CWC15: variants seen among roughly 807,000 people sequenced by gnomAD.
CWC15 encodes the protein CWC15 spliceosome associated protein.
Under a neutral mutation model 28.4 loss-of-function variants are expected in CWC15, and 12 were observed. The observed-to-expected ratio is 0.42, with a 90% confidence interval of 0.27 to 0.69. The LOEUF is 0.69. CWC15 is among the 30% of genes least tolerant of loss of function. The probability of loss-of-function intolerance (pLI) is 0.23; values close to 1 mark genes in which losing one functional copy is unlikely to be tolerated. For missense variants in CWC15, 192 were observed against 271.5 expected, an observed-to-expected ratio of 0.71 and a Z score of 2.06; for synonymous variants, 92 against 88.4, an observed-to-expected ratio of 1.04 and a Z score of -0.23.
intron 5 of CWC15, among the ~76,000 whole-genome samples, chr11:94,969,554 C>T (rs1857689662): frequency 6.6e-6 from 1 of 151,534 alleles, no homozygotes; most frequent in Non-Finnish European, 1.5e-5. Context: ...AACAGAGAGA[C>T]TGTGGGGGCT....
At chr11:94,972,362 G>A (rs1349101263) in intron 1 of CWC15, among the ~76,000 whole-genome samples, 169 bp from the exon 2 acceptor site, 1 of 152,170 alleles carries the variant, frequency 6.6e-6, no homozygotes, top group Non-Finnish European at 1.5e-5. Context: ...GGCTTAGGCT[G>A]TACAAGGAAT....
intron 5 of CWC15, among the ~76,000 whole-genome samples, chr11:94,969,529 T>C (rs1857689403): frequency 6.6e-6 from 1 of 152,092 alleles, no homozygotes; most frequent in Admixed American, 6.6e-5. Flanking sequence ...TTATATTTTT[T>C]CCTCATATTG....
At chr11:94,973,300 G>A (rs57012427) in intron 1 of CWC15, 198 bp downstream of exon 1, 7 of 24,938 alleles carry the variant, frequency 2.8e-4, no homozygotes, top group African/African-American at 7.8e-4. Flanking sequence ...CAGTAGGCGA[G>A]CTGCCTGTAC....
intron 5 of CWC15, 109 bp downstream of exon 5, chr11:94,969,880 C>A: frequency 1.9e-6 from 1 of 531,086 alleles, no homozygotes; most frequent in Non-Finnish European, 3.1e-6. Context: ...AATATTTAGA[C>A]ACGGTAAAGG....
chr11:94,970,890 T>C, intron 4 of CWC15, 87 bp downstream of exon 4: 1 of 1,077,562 alleles, frequency 9.3e-7, no homozygotes, highest in Non-Finnish European at 1.4e-6. Context: ...TAAATATATG[T>C]CACTTCTTAA....
At position 94,966,242 on chromosome 11, in the gene CWC15, C is replaced by T. The variant is rs1302640846; in HGVS notation, c.560+53G>A. The T allele has an allele frequency of 4.5e-6, 4 of 886,078 alleles. No individual in the cohort carries two copies. The African/African-American group carries it at 5.0e-5, about 11-fold the overall frequency. The allele number at this position is 886,078 out of a possible 1,614,324, so 54.9% of individuals were successfully genotyped here. On this transcript the variant is annotated intron_variant, in intron 6 of 6. Transcript: ENST00000279839. ...ATACACATATACACACACACACACA[C>T]ACACACACACACACACACACACACA...
At chr11:94,969,944 T>C in intron 5 of CWC15, 45 bp downstream of exon 5, 4 of 1,278,342 alleles carry the variant, frequency 3.1e-6, no homozygotes, top group Non-Finnish European at 3.1e-6. Context: ...TCTACCTTAG[T>C]GTATGTGAGA....
chr11:94,968,261 C>A (rs587606567), intron 5 of CWC15, among the ~76,000 whole-genome samples: 5 of 152,240 alleles, frequency 3.3e-5, no homozygotes, highest in Admixed American at 6.5e-5. Flanking sequence ...ATATTTACTA[C>A]CTGGCCCTTT....
intron 5 of CWC15, 25 bp from the exon 6 acceptor site, chr11:94,966,438 CACTT>C (rs1176764445): frequency 4.9e-6 from 7 of 1,438,134 alleles, no homozygotes; most frequent in Non-Finnish European, 4.7e-6. Flanking sequence ...GGAAGATTAA[CACTT>C]ACTTATTTTA....
rs1857717318 is a variant in CWC15, at chr11:94,971,381, T to A, written c.238A>T (p.Thr80Ser). 1.2e-6 allele frequency: 2 copies of A among 1,609,574 alleles called. No individual in the cohort carries two copies. Among genetic ancestry groups the A allele is most frequent in the South Asian group, 1.1e-5 (1 of 90,342 alleles). ...AAREKNRDRP[T>S]REHTTSSSVS... ...TCTTGGATAGTGTTGGTACCTCGGGTTGGACGATCCCTATTTTTCTCTCTT... is the reference window on the plus strand; with the variant it reads ...TCTTGGATAGTGTTGGTACCTCGGGATGGACGATCCCTATTTTTCTCTCTT... The change falls in exon 3 of 7, where the codon ACC (threonine) becomes TCC (serine). Residue 80 changes from threonine to serine, a missense_variant. Transcript: ENST00000279839.
intron 6 of CWC15, 90 bp downstream of exon 6, chr11:94,966,205 G>T: frequency 1.4e-6 from 1 of 710,318 alleles, no homozygotes; most frequent in African/African-American, 2.0e-5. Flanking sequence ...CTGCATGCCT[G>T]TGTGTATACA....
intron 3 of CWC15, 93 bp downstream of exon 3, chr11:94,971,282 T>G: frequency 9.0e-7 from 1 of 1,114,264 alleles, no homozygotes; most frequent in South Asian, 1.3e-5. Flanking sequence ...TCTGTAAAAG[T>G]AAACAAATGG....
intron 4 of CWC15, 138 bp downstream of exon 4, chr11:94,970,839 C>T (rs1205795236): frequency 2.8e-6 from 2 of 717,472 alleles, no homozygotes; most frequent in Non-Finnish European, 4.9e-6. Context: ...TAAAGTTTAG[C>T]ACTGAGGTCA....
At chr11:94,965,832 TTC>T (rs1331038139) in intron 6 of CWC15, among the ~76,000 whole-genome samples, 1 of 152,192 alleles carries the variant, frequency 6.6e-6, no homozygotes, top group Non-Finnish European at 1.5e-5. Flanking sequence ...GATTCCTCTA[TTC>T]TCTGTGTGTG....
chr11:94,967,770 A>T (rs1436260104), intron 5 of CWC15, among the ~76,000 whole-genome samples: 1 of 152,200 alleles, frequency 6.6e-6, no homozygotes, highest in African/African-American at 2.4e-5. Flanking sequence ...CCTTTATGTC[A>T]CTGGTCAGAA....
chr11:94,971,139 A>C, intron 3 of CWC15, 74 bp from the exon 4 acceptor site: 1 of 1,301,652 alleles, frequency 7.7e-7, no homozygotes, highest in Non-Finnish European at 1.1e-6. Flanking sequence ...GGGACCTGTG[A>C]GCACAAGGAG....
chr11:94,973,051 G>C (rs1481381408), intron 1 of CWC15, among the ~76,000 whole-genome samples: 1 of 151,436 alleles, frequency 6.6e-6, no homozygotes, highest in Non-Finnish European at 1.5e-5. Context: ...ATTTTTTGGG[G>C]GGGGGGCGAT....
chr11:94,972,456 G>A (rs1857736224), intron 1 of CWC15, among the ~76,000 whole-genome samples: 1 of 152,062 alleles, frequency 6.6e-6, no homozygotes, highest in Non-Finnish European at 1.5e-5. Flanking sequence ...TGACTATATG[G>A]GCTTGAGCAA....
intron 5 of CWC15, among the ~76,000 whole-genome samples, chr11:94,968,638 G>C (rs757000605): frequency 6.6e-6 from 1 of 152,128 alleles, no homozygotes; most frequent in Non-Finnish European, 1.5e-5. Context: ...AAAACTATAA[G>C]CTATTACAGG....
Sources: allele counts gnomAD v4.1 joint callset (sites outside exome capture counted in the v4.1 genomes callset), GRCh38; gene constraint gnomAD v4.1.1; transcripts MANE v1.5; gene names NCBI Gene and HGNC (gene_info 2026-07-23, HGNC 2026-07-21).